The following MXI1 variants were observed in gnomAD, a reference collection of about 807,000 sequenced individuals.
The protein encoded by MXI1 is max-interacting protein 1.
A neutral mutation model predicts 36.9 loss-of-function variants in MXI1; 18 were observed. That is an observed-to-expected ratio of 0.49 (90% confidence interval 0.34 to 0.72). MXI1 has a LOEUF of 0.72. Among genes scored for constraint, MXI1 ranks in the 30% least tolerant of loss-of-function variants. MXI1 has a pLI of 0.01. For synonymous variants in MXI1, 160 were observed against 146.7 expected (o/e 1.09, Z -0.65); for missense variants, 304 against 379.1 (o/e 0.80, Z 1.64).
At chr10:110,211,238 A>T (rs1014966380) in intron 1 of MXI1, among the ~76,000 whole-genome samples, 6 of 152,150 alleles carry the variant, frequency 3.9e-5, no homozygotes, top group African/African-American at 1.2e-4. Flanking sequence ...TGGTTTCCAC[A>T]TGGAGACAAA....
At chr10:110,272,492 A>G (rs899870481) in intron 3 of MXI1, among the ~76,000 whole-genome samples, 2 of 152,162 alleles carry the variant, frequency 1.3e-5, no homozygotes, top group African/African-American at 2.4e-5. Context: ...TGTGGCTTCA[A>G]ATATCCTCTG....
At chr10:110,230,492 GAA>G (rs1347459349) in intron 2 of MXI1, among the ~76,000 whole-genome samples, 1 of 152,122 alleles carries the variant, frequency 6.6e-6, no homozygotes, top group Non-Finnish European at 1.5e-5. Context: ...TAAGTAGCAA[GAA>G]AGAGAGAGAG....
At position 110,264,972 on chromosome 10, in the gene MXI1, A is replaced by G. The variant is rs577066518; in HGVS notation, c.438-14208A>G. ...TCAAATGGTGGTCCTCGATGGAGAA[A>G]TGTTTTCTAGAAATGGTATACAGAA... On this transcript the variant is annotated intron_variant, in intron 3 of 5. Coordinates refer to ENST00000332674, the MANE Select transcript of MXI1 (RefSeq NM_130439.3). Among the ~76,000 whole-genome samples, 5 of 152,148 alleles carry G rather than the reference A, an allele frequency of 3.3e-5. No individual in the cohort carries two copies. In the East Asian group the frequency reaches 9.7e-4, roughly 29 times the overall value.
chr10:110,280,938 A>AT (rs1328734940), intron 5 of MXI1, among the ~76,000 whole-genome samples: 18 of 152,236 alleles, frequency 1.2e-4, no homozygotes, highest in Admixed American at 2.0e-4. Context: ...ATCAGGCTTC[A>AT]TATCACATTA....
Position 110,287,289 on chromosome 10 carries a change from T to TATTA in MXI1, c.*2306_*2309dup, listed in dbSNP as rs1857443346. 6.6e-6 allele frequency: 1 copy of TATTA among 151,658 alleles called. No homozygotes were observed. Among genetic ancestry groups the TATTA allele is most frequent in the South Asian group, 2.1e-4 (1 of 4,810 alleles). The allele number at this position is 151,658 out of a possible 1,614,324, so 9.4% of individuals were successfully genotyped here. On this transcript the variant is annotated 3_prime_UTR_variant, in exon 6 of 6. Coordinates refer to ENST00000332674, the MANE Select transcript of MXI1 (RefSeq NM_130439.3). ...TGGTGTAGATTGTATGAGTAAGAAG[T>TATTA]ATTAATTTTTTAAAAGACAAATCAA...
At chr10:110,276,848 T>TTTTC (rs1857052564) in intron 3 of MXI1, among the ~76,000 whole-genome samples, 1 of 151,392 alleles carries the variant, frequency 6.6e-6, no homozygotes. Flanking sequence ...CTTTTCTTTT[T>TTTTC]TTTTTTTTTT....
At chr10:110,211,398 C>T (rs529902585) in intron 1 of MXI1, among the ~76,000 whole-genome samples, 10 of 152,110 alleles carry the variant, frequency 6.6e-5, no homozygotes, top group African/African-American at 2.4e-4. Flanking sequence ...AGCTGTAGTG[C>T]GGCCAGCTGG....
intron 1 of MXI1, among the ~76,000 whole-genome samples, chr10:110,221,202 T>C (rs1854798276): frequency 6.6e-6 from 1 of 152,220 alleles, no homozygotes; most frequent in Non-Finnish European, 1.5e-5. Flanking sequence ...TTTAAAGGAA[T>C]GGGCCCCACG....
intron 5 of MXI1, 142 bp from the exon 6 acceptor site, chr10:110,284,682 T>G: frequency 1.2e-6 from 1 of 800,628 alleles, no homozygotes; most frequent in Non-Finnish European, 1.9e-6. Flanking sequence ...TCTCTTCACC[T>G]TGTTCCTCTG....
chr10:110,212,184 A>C (rs1441795344), intron 1 of MXI1, among the ~76,000 whole-genome samples: 1 of 152,162 alleles, frequency 6.6e-6, no homozygotes, highest in East Asian at 1.9e-4. Flanking sequence ...TGAGAGTAGA[A>C]AGCCATAAGG....
chr10:110,263,017 A>G (rs973062926), intron 3 of MXI1, among the ~76,000 whole-genome samples: 2 of 152,094 alleles, frequency 1.3e-5, no homozygotes, highest in Non-Finnish European at 2.9e-5. Context: ...TTGCTAGAGC[A>G]TATATATTCC....
chr10:110,220,983 A>G (rs1312149228), intron 1 of MXI1, among the ~76,000 whole-genome samples: 3 of 152,232 alleles, frequency 2.0e-5, no homozygotes, highest in Admixed American at 2.0e-4. Context: ...AGGCATTTCT[A>G]ATGAAGAAAA....
intron 4 of MXI1, among the ~76,000 whole-genome samples, chr10:110,279,586 T>G (rs1857161041): frequency 6.6e-6 from 1 of 152,246 alleles, no homozygotes; most frequent in African/African-American, 2.4e-5. Context: ...TGACTTCATT[T>G]GGCTGTGTCC....
At chr10:110,209,332 T>G (rs1004951714) in intron 1 of MXI1, among the ~76,000 whole-genome samples, 1 of 151,894 alleles carries the variant, frequency 6.6e-6, no homozygotes, top group African/African-American at 2.4e-5. Flanking sequence ...TGTGCGCGTG[T>G]GTGTGTGAGA....
chr10:110,233,898 A>G (rs751025714), intron 2 of MXI1, among the ~76,000 whole-genome samples: 5 of 152,192 alleles, frequency 3.3e-5, no homozygotes, highest in Middle Eastern at 3.2e-3. Flanking sequence ...GTAAGTCAGT[A>G]GGACAGCTGT....
intron 3 of MXI1, among the ~76,000 whole-genome samples, chr10:110,272,965 G>A (rs1856901286): frequency 6.6e-6 from 1 of 150,672 alleles, no homozygotes; most frequent in East Asian, 1.9e-4. Context: ...TTTATTTTCT[G>A]TGAAGTAGAT....
At chr10:110,256,420 A>T (rs112234861) in intron 3 of MXI1, among the ~76,000 whole-genome samples, 1,791 of 151,962 alleles carry the variant, frequency 0.012, 15 homozygotes, top group Middle Eastern at 0.034. Flanking sequence ...CCTGACTAAC[A>T]TGGAGAAACC....
chr10:110,236,121 G>GTTATTTTTT (rs1855459902), intron 2 of MXI1, among the ~76,000 whole-genome samples: 1 of 67,874 alleles, frequency 1.5e-5, no homozygotes, highest in Non-Finnish European at 2.8e-5. Context: ...AAAGGTTGAA[G>GTTATTTTTT]TTCTTTTTTT....
intron 1 of MXI1, among the ~76,000 whole-genome samples, chr10:110,215,780 A>G (rs1431812987): frequency 6.6e-6 from 1 of 152,186 alleles, no homozygotes; most frequent in Non-Finnish European, 1.5e-5. Flanking sequence ...GGCAGTGATG[A>G]GGTGGCTATC....
Sources: gnomAD v4.1 joint callset for allele counts (sites outside exome capture counted in the v4.1 genomes callset) on GRCh38, gnomAD v4.1.1 for gene constraint, MANE v1.5 for transcripts, NCBI Gene and HGNC (gene_info 2026-07-23, HGNC 2026-07-21) for gene names.